Variants in GNB1 observed in about 807,000 individuals in gnomAD.
GNB1 encodes G protein subunit beta 1, also known as guanine nucleotide-binding protein G(I)/G(S)/G(T) subunit beta-1.
GNB1 carries 2 observed loss-of-function variants against 42.9 expected under a neutral mutation model. The ratio of observed to expected loss-of-function variants is 0.05; its 90% CI spans 0.02 to 0.15. GNB1 has a LOEUF of 0.15. Ranked by LOEUF, GNB1 falls within the 10% of genes least tolerant of loss-of-function variation. GNB1 has a pLI of 1.00. For missense variants in GNB1, 193 were observed against 462.2 expected, an observed-to-expected ratio of 0.42 and a Z score of 5.34; for synonymous variants, 183 against 174.7, an observed-to-expected ratio of 1.05 and a Z score of -0.38.
At chr1:1,859,361 CATAA>C (rs1475346552) in intron 1 of GNB1, among the ~76,000 whole-genome samples, 3 of 151,604 alleles carry the variant, frequency 2.0e-5, no homozygotes, top group Non-Finnish European at 2.9e-5. Context: ...CTTCCTAGGA[CATAA>C]ATAGTTAAAC....
intron 2 of GNB1, among the ~76,000 whole-genome samples, chr1:1,826,404 G>A (rs762605089): frequency 1.2e-4 from 18 of 152,108 alleles, no homozygotes; most frequent in South Asian, 1.0e-3. Flanking sequence ...GTGACAGAGC[G>A]AGACTCCATC....
chr1:1,839,911 T>C (rs944894019), intron 1 of GNB1, among the ~76,000 whole-genome samples: 4 of 151,824 alleles, frequency 2.6e-5, no homozygotes, highest in African/African-American at 9.7e-5. Context: ...TCCCAACACT[T>C]TGGGAGGCTG....
intron 2 of GNB1, among the ~76,000 whole-genome samples, chr1:1,834,287 A>G (rs2101091557): frequency 6.6e-6 from 1 of 151,978 alleles, no homozygotes; most frequent in South Asian, 2.1e-4. Flanking sequence ...GACCCTTGGA[A>G]CTCTGAAATC....
chr1:1,851,633 G>A (rs2101517930), intron 1 of GNB1, among the ~76,000 whole-genome samples: 1 of 152,242 alleles, frequency 6.6e-6, no homozygotes, highest in East Asian at 1.9e-4. Flanking sequence ...CCTAGAGGAG[G>A]ACAGAACAAA....
chr1:1,822,733 G>A (rs555081353), intron 3 of GNB1, among the ~76,000 whole-genome samples: 43 of 152,196 alleles, frequency 2.8e-4, no homozygotes, highest in African/African-American at 9.6e-4. Context: ...AACGTGACAG[G>A]GTCCAAACCT....
At chr1:1,820,837 T>C (rs1041042440) in intron 3 of GNB1, among the ~76,000 whole-genome samples, 1 of 152,228 alleles carries the variant, frequency 6.6e-6, no homozygotes, top group African/African-American at 2.4e-5. Flanking sequence ...ATTCAATCTT[T>C]ATTTTAGCCA....
At chr1:1,873,486 G>C (rs1649362095) in intron 1 of GNB1, among the ~76,000 whole-genome samples, 3 of 152,198 alleles carry the variant, frequency 2.0e-5, no homozygotes, top group African/African-American at 7.2e-5. Context: ...ACAGAGATGA[G>C]CCCTGCCCAC....
intron 1 of GNB1, among the ~76,000 whole-genome samples, chr1:1,843,213 T>C (rs1280152747): frequency 1.3e-5 from 2 of 152,180 alleles, no homozygotes; most frequent in Admixed American, 6.6e-5. Flanking sequence ...ATCTGCTCTA[T>C]TTTATCATTA....
intron 1 of GNB1, among the ~76,000 whole-genome samples, chr1:1,882,697 C>T (rs945272886): frequency 6.6e-6 from 1 of 151,982 alleles, no homozygotes; most frequent in Non-Finnish European, 1.5e-5. Context: ...CCGAGGCAGG[C>T]AGATCACGAG....
intron 1 of GNB1, among the ~76,000 whole-genome samples, chr1:1,852,238 AT>A (rs997075532): frequency 4.0e-5 from 6 of 151,676 alleles, no homozygotes; most frequent in African/African-American, 1.2e-4. Flanking sequence ...TGCCTCTCAA[AT>A]TTTTTTTGAG....
intron 1 of GNB1, among the ~76,000 whole-genome samples, chr1:1,864,599 G>A (rs1307537064): frequency 1.3e-5 from 2 of 152,084 alleles, no homozygotes; most frequent in South Asian, 2.1e-4. Context: ...ACAGAAACCT[G>A]ACATTCCTGC....
chr1:1,874,377 G>A (rs1649416112), intron 1 of GNB1, among the ~76,000 whole-genome samples: 1 of 152,072 alleles, frequency 6.6e-6, no homozygotes, highest in African/African-American at 2.4e-5. Flanking sequence ...GGGAGGCTGA[G>A]GCGGGCGGAC....
rs961903592 is a variant in GNB1 at position 1,804,654 on chromosome 1, C to G, written c.268-73G>C. 5.1e-6 allele frequency: 6 copies of G among 1,175,544 alleles called. No individual in the cohort carries two copies. The Admixed American group carries it at 1.3e-4, about 25-fold the overall frequency. 72.8% of individuals were successfully genotyped at this position (1,175,544 alleles called of 1,614,324 possible). Reference sequence around the variant, plus strand: ...AACACTGACACCAGGATTTTCTCATCTCCAACTTTCACTGCAAAGGAGGTA... The same window carrying G: ...AACACTGACACCAGGATTTTCTCATGTCCAACTTTCACTGCAAAGGAGGTA... On this transcript the variant is annotated intron_variant, in intron 6 of 11. Coordinates refer to ENST00000378609, the MANE Select transcript of GNB1 (RefSeq NM_002074.5).
At chr1:1,857,037 C>T (rs749641031) in intron 1 of GNB1, among the ~76,000 whole-genome samples, 32 of 152,178 alleles carry the variant, frequency 2.1e-4, no homozygotes, top group Non-Finnish European at 4.4e-4. Context: ...ACTGTCCAAT[C>T]ACCTGTCTCA....
At chr1:1,888,059 G>A (rs1029894054) in intron 1 of GNB1, among the ~76,000 whole-genome samples, 6 of 152,134 alleles carry the variant, frequency 3.9e-5, no homozygotes, top group African/African-American at 7.2e-5. Flanking sequence ...AGATATCAAA[G>A]AAAAAACAAT....
chr1:1,870,159 C>T (rs1364778366), intron 1 of GNB1, among the ~76,000 whole-genome samples: 1 of 152,098 alleles, frequency 6.6e-6, no homozygotes, highest in Non-Finnish European at 1.5e-5. Context: ...CCGCACCAGG[C>T]CCAAAGACAA....
At chr1:1,848,379 AAG>A (rs1342761444) in intron 1 of GNB1, among the ~76,000 whole-genome samples, 3 of 151,652 alleles carry the variant, frequency 2.0e-5, no homozygotes, top group African/African-American at 7.3e-5. Context: ...AAAAAAGAAA[AAG>A]AAAAAATAAA....
chr1:1,795,026 A>G (rs1646527858), intron 7 of GNB1, among the ~76,000 whole-genome samples: 1 of 152,218 alleles, frequency 6.6e-6, no homozygotes, highest in Admixed American at 6.5e-5. Context: ...GAAGAAAAAT[A>G]TGCATAGATG....
chr1:1,817,738 A>G (rs1646876076), intron 4 of GNB1, 99 bp downstream of exon 4: 3 of 788,192 alleles, frequency 3.8e-6, no homozygotes, highest in Middle Eastern at 3.0e-4. Context: ...TCACTGCGCA[A>G]CAGAGAATGC....
Sources: allele counts gnomAD v4.1 joint callset (sites outside exome capture counted in the v4.1 genomes callset), GRCh38; gene constraint gnomAD v4.1.1; transcripts MANE v1.5; gene names NCBI Gene and HGNC (gene_info 2026-07-23, HGNC 2026-07-21).